ZNF680: variants seen among roughly 807,000 people sequenced by gnomAD.
ZNF680 encodes hypothetical protein FLJ90430.
A neutral mutation model predicts 12.1 loss-of-function variants in ZNF680; 6 were observed. The observed-to-expected ratio is 0.49, with a 90% confidence interval of 0.27 to 0.98. ZNF680 has a LOEUF of 0.98. Ranked by LOEUF, ZNF680 falls within the 50% of genes least tolerant of loss-of-function variation. The pLI is 0.12. For synonymous variants in ZNF680, 170 were observed against 199.3 expected (o/e 0.85, Z 1.24); for missense variants, 561 against 616.3 (o/e 0.91, Z 0.95).
chr7:64,548,835 G>C (rs1255874988), intron 1 of ZNF680, among the ~76,000 whole-genome samples: 1 of 152,012 alleles, frequency 6.6e-6, no homozygotes, highest in Admixed American at 6.6e-5. Flanking sequence ...TATAAAAAAT[G>C]AAACTGGCCG....
At chr7:64,519,580 G>C (rs938886246), downstream of ZNF680, among the ~76,000 whole-genome samples, 3 of 151,818 alleles carry the variant, frequency 2.0e-5, no homozygotes, top group South Asian at 4.1e-4. Context: ...GCACCATGCT[G>C]TTTCGATGAC....
In ZNF680 at chr7:64,544,203, T is replaced by C. The variant is rs181396632; in HGVS notation, c.157+103A>G. 564 of 1,467,232 alleles carry C rather than the reference T, an allele frequency of 3.8e-4. 5 individuals are homozygous for C. In the African/African-American group the frequency reaches 7.4e-3, roughly 19 times the overall value. The allele number at this position is 1,467,232 out of a possible 1,614,324, so 90.9% of individuals were successfully genotyped here. A position where few individuals can be genotyped will look rare whatever the true frequency, so the allele number is the denominator to read the frequency against. Reference sequence around the variant, plus strand: ...AAAGATTTTCTTGAAAACAGGGATCTGAAACTCATTTATGCAAAGCACAAA... The same window carrying C: ...AAAGATTTTCTTGAAAACAGGGATCCGAAACTCATTTATGCAAAGCACAAA... On this transcript the variant is annotated intron_variant, in intron 2 of 3. Coordinates refer to ENST00000309683, the MANE Select transcript of ZNF680 (RefSeq NM_178558.5).
At chr7:64,503,377 GCT>G in the ZNF680 span, among the ~76,000 whole-genome samples, 1 of 131,736 alleles carries the variant, frequency 7.6e-6, no homozygotes, top group Non-Finnish European at 1.6e-5. Context: ...CAACTGGAAG[GCT>G]TTTTTTTTTT....
Position 64,544,040 on chromosome 7 carries a change from G to A in ZNF680, c.158-238C>T, listed in dbSNP as rs573498288. Reference sequence around the variant, plus strand: ...GGGGCAATTAAATTTTAAGGTGTGGGCAACAACATTTTATGCCATCAAATT... The same window carrying A: ...GGGGCAATTAAATTTTAAGGTGTGGACAACAACATTTTATGCCATCAAATT... On this transcript the variant is annotated intron_variant, in intron 2 of 3. Coordinates refer to ENST00000309683, the MANE Select transcript of ZNF680 (RefSeq NM_178558.5). 1.7e-3 allele frequency: 993 copies of A among 596,450 alleles called. 3 individuals carry two copies. The highest frequency in any genetic ancestry group is 2.4e-3 in the Non-Finnish European group (884 of 367,802). The allele number at this position is 596,450 out of a possible 1,614,324, so 36.9% of individuals were successfully genotyped here.
At chr7:64,536,295 T>C (rs975657370) in intron 3 of ZNF680, among the ~76,000 whole-genome samples, 1 of 152,212 alleles carries the variant, frequency 6.6e-6, no homozygotes, top group Non-Finnish European at 1.5e-5. Context: ...GGATGATTTA[T>C]AAAGAAACAT....
intron 3 of ZNF680, chr7:64,526,253 A>C: frequency 8.9e-7 from 1 of 1,125,252 alleles, no homozygotes; most frequent in Non-Finnish European, 1.1e-6. Context: ...GAACTTCCCA[A>C]ATTTTGATGC....
At chr7:64,536,879 G>C (rs1405120162) in intron 3 of ZNF680, among the ~76,000 whole-genome samples, 1 of 152,118 alleles carries the variant, frequency 6.6e-6, no homozygotes, top group Non-Finnish European at 1.5e-5. Context: ...GGCCAGCCTA[G>C]GTAACACAGT....
At chr7:64,525,363 A>G (rs1012563907) in intron 3 of ZNF680, 1 of 149,932 alleles carries the variant, frequency 6.7e-6, no homozygotes, top group Non-Finnish European at 1.5e-5. Flanking sequence ...CTAAAATACA[A>G]AATACTTAAA....
the ZNF680 span, chr7:64,501,719 A>C: frequency 5.9e-6 from 6 of 1,009,432 alleles, no homozygotes; most frequent in Non-Finnish European, 9.4e-6. Flanking sequence ...AATGGCAAAA[A>C]TGACTCTTAA....
rs1291758282 is a variant in ZNF680 at position 64,520,617 on chromosome 7, T to A, written c.*544A>T. 6.6e-6 allele frequency: 1 copy of A among 151,870 alleles called. No individual in the cohort carries two copies. Among genetic ancestry groups the A allele is most frequent in the East Asian group, 1.9e-4 (1 of 5,202 alleles). 9.4% of individuals were successfully genotyped at this position (151,870 alleles called of 1,614,324 possible). On this transcript the variant is annotated 3_prime_UTR_variant, in exon 4 of 4. Transcript: ENST00000309683. ...CTACGCCGTAGTTTTTGAAAAAAAA[T>A]GTTTTTCCAAATTCATTACATTTGC...
At chr7:64,503,957 C>T in the ZNF680 span, among the ~76,000 whole-genome samples, 1 of 152,022 alleles carries the variant, frequency 6.6e-6, no homozygotes, top group African/African-American at 2.4e-5. Context: ...ATATTTTAAA[C>T]AAAATAAGTA....
At chr7:64,501,171 A>G in the ZNF680 span, 1 of 868,602 alleles carries the variant, frequency 1.2e-6, no homozygotes, top group Non-Finnish European at 2.0e-6. Flanking sequence ...CATCGCCTCT[A>G]TTCAGCTCCT....
chr7:64,531,261 T>C (rs980569871), intron 3 of ZNF680, among the ~76,000 whole-genome samples: 3 of 152,010 alleles, frequency 2.0e-5, no homozygotes, highest in African/African-American at 7.3e-5. Flanking sequence ...TTAAAGAATA[T>C]TGAAATTATA....
Position 64,561,696 on chromosome 7 carries a change from A to G in ZNF680, c.30+1229T>C, listed in dbSNP as rs1028883259. ...ACGCCTGTAATCCCAGCACTTTGGG[A>G]GGCCGAGGCGGGTGGATTACGAGGT... On this transcript the variant is annotated intron_variant, in intron 1 of 3. Coordinates refer to ENST00000309683, the MANE Select transcript of ZNF680 (RefSeq NM_178558.5). Among the ~76,000 whole-genome samples the G allele has an allele frequency of 1.4e-4, 22 of 152,226 alleles. 1 individual carries two copies. Among genetic ancestry groups the G allele is most frequent in the African/African-American group, 5.3e-4 (22 of 41,554 alleles).
the ZNF680 span, among the ~76,000 whole-genome samples, chr7:64,508,123 G>GTATATATA: frequency 0.075 from 8,799 of 117,464 alleles, 532 homozygotes; most frequent in Admixed American, 0.14. Context: ...ATTTTAAAAT[G>GTATATATA]TATATATATA....
At chr7:64,522,632 G>C in intron 3 of ZNF680, 132 bp from the exon 4 acceptor site, 6 of 617,458 alleles carry the variant, frequency 9.7e-6, no homozygotes, top group Non-Finnish European at 9.1e-6. Context: ...AATCCTAAAA[G>C]TTAAAAAAAA....
At chr7:64,558,233 A>G (rs1263810955) in intron 1 of ZNF680, among the ~76,000 whole-genome samples, 1 of 152,004 alleles carries the variant, frequency 6.6e-6, no homozygotes, top group Non-Finnish European at 1.5e-5. Flanking sequence ...TATGCAGGAG[A>G]CTATAAACAC....
At chr7:64,554,860 C>CG (rs1221771502) in intron 1 of ZNF680, among the ~76,000 whole-genome samples, 3 of 152,100 alleles carry the variant, frequency 2.0e-5, no homozygotes, top group Admixed American at 6.5e-5. Flanking sequence ...CGGAAGGCAG[C>CG]GGGGCCCTCT....
intron 3 of ZNF680, among the ~76,000 whole-genome samples, chr7:64,542,400 T>A (rs1786553250): frequency 6.6e-6 from 1 of 152,204 alleles, no homozygotes; most frequent in African/African-American, 2.4e-5. Flanking sequence ...GTTTTTAAAC[T>A]CACTGAAATT....
Sources: gnomAD v4.1 joint callset for allele counts (sites outside exome capture counted in the v4.1 genomes callset) on GRCh38, gnomAD v4.1.1 for gene constraint, MANE v1.5 for transcripts, NCBI Gene and HGNC (gene_info 2026-07-23, HGNC 2026-07-21) for gene names.